Variants in TXNRD1 observed in about 807,000 individuals in gnomAD.
TXNRD1 encodes thioredoxin reductase 1.
Under a neutral mutation model 80.3 loss-of-function variants are expected in TXNRD1, and 57 were observed. That is an observed-to-expected ratio of 0.71 (90% CI 0.57 to 0.89). The LOEUF is 0.89. Among genes scored for constraint, TXNRD1 ranks in the 40% least tolerant of loss-of-function variants. TXNRD1 has a pLI of 0.00. For synonymous variants in TXNRD1, 291 were observed against 285.2 expected, an observed-to-expected ratio of 1.02 and a Z score of -0.20; for missense variants, 730 against 803.0, an observed-to-expected ratio of 0.91 and a Z score of 1.10.
At position 104,281,394 on chromosome 12, in the gene TXNRD1, C is replaced by T. The variant is rs565325365; in HGVS notation, c.305-7537C>T. ...CTAGCAGGTCTGTATATCTCCATAT[C>T]TCCACTTTTTTTTTTTTTTTTTTTC... On this transcript the variant is annotated intron_variant, in intron 3 of 16. Coordinates refer to ENST00000525566, the MANE Select transcript of TXNRD1 (RefSeq NM_001093771.3). Among the ~76,000 whole-genome samples the T allele has an allele frequency of 4.1e-5, 6 of 145,094 alleles. No individual in the cohort carries two copies. In the South Asian group the frequency reaches 1.3e-3, roughly 32 times the overall value.
At chr12:104,331,167 AT>A (rs1328656034) in intron 13 of TXNRD1, among the ~76,000 whole-genome samples, 1 of 152,080 alleles carries the variant, frequency 6.6e-6, no homozygotes, top group African/African-American at 2.4e-5. Flanking sequence ...AAATCTTTTA[AT>A]TTTTTATCAC....
Position 104,311,352 on chromosome 12 carries a change from G to T in TXNRD1, c.477G>T (p.Lys159Asn), listed in dbSNP as rs1288494641. Residue 159 changes from lysine (K) to asparagine (N), a missense_variant, in exon 5 of 17, where the codon AAG (lysine) becomes AAT (asparagine). Coordinates refer to ENST00000525566, the MANE Select transcript of TXNRD1 (RefSeq NM_001093771.3). Reference sequence around the variant, plus strand: ...TGAACGGCCCTGAAGATCTTCCCAAGTCCTATGACTATGACCTTATCATCA... The same window carrying T: ...TGAACGGCCCTGAAGATCTTCCCAATTCCTATGACTATGACCTTATCATCA... ...LKMNGPEDLP[K>N]SYDYDLIIIG... 1 of 1,613,330 alleles carries T rather than the reference G, an allele frequency of 6.2e-7. No individual in the cohort carries two copies. Among genetic ancestry groups the T allele is most frequent in the Admixed American group, 1.7e-5 (1 of 59,906 alleles).
At position 104,280,062 on chromosome 12, in the gene TXNRD1, C is replaced by CAAA. The variant is rs34627940; in HGVS notation, c.305-8850_305-8848dup. Reference sequence around the variant, plus strand: ...TGGGTGACAGAGTGAGACTCTGTCTCAAAAAAAAAAAAAAAAAAAAATTCC... The same window carrying CAAA: ...TGGGTGACAGAGTGAGACTCTGTCTCAAAAAAAAAAAAAAAAAAAAAAAATTCC... On this transcript the variant is annotated intron_variant, in intron 3 of 16. Coordinates refer to ENST00000525566, the MANE Select transcript of TXNRD1 (RefSeq NM_001093771.3). Among the ~76,000 whole-genome samples the CAAA allele has an allele frequency of 3.6e-3, 302 of 84,556 alleles. 9 individuals are homozygous for CAAA. Among genetic ancestry groups the CAAA allele is most frequent in the Admixed American group, 6.9e-3 (51 of 7,356 alleles). 55.5% of individuals were successfully genotyped at this position (84,556 alleles called of 152,430 possible).
In TXNRD1 at chr12:104,315,789, CAT is replaced by C. The variant is rs759645373; in HGVS notation, c.624_625del (p.Val210GlufsTer7). ...AATGTTGTTGTAGGTCTCGGAGGAA[CAT>C]GTGTGAATGTGGGTTGCATACCTAA... On this transcript the variant is annotated frameshift_variant, in exon 7 of 17. Coordinates refer to ENST00000525566, the MANE Select transcript of TXNRD1 (RefSeq NM_001093771.3). LOFTEE classifies it high-confidence loss of function. The C allele has an allele frequency of 6.2e-7, 1 of 1,609,036 alleles. No homozygotes were observed. The highest frequency in any genetic ancestry group is 8.5e-7 in the Non-Finnish European group (1 of 1,177,242).
At chr12:104,327,955 T>G (rs1217379599) in intron 13 of TXNRD1, among the ~76,000 whole-genome samples, 1 of 151,246 alleles carries the variant, frequency 6.6e-6, no homozygotes, top group Non-Finnish European at 1.5e-5. Flanking sequence ...GGTCAGGAGT[T>G]CAAGACCAGC....
At chr12:104,244,135 G>A (rs540849884) in intron 1 of TXNRD1, among the ~76,000 whole-genome samples, 2 of 152,300 alleles carry the variant, frequency 1.3e-5, no homozygotes, top group African/African-American at 4.8e-5. Flanking sequence ...ATAAGTATCA[G>A]TTATATAGCT....
At chr12:104,291,899 T>C (rs1295343064) in intron 4 of TXNRD1, among the ~76,000 whole-genome samples, 1 of 152,218 alleles carries the variant, frequency 6.6e-6, no homozygotes, top group East Asian at 1.9e-4. Flanking sequence ...TGGGGCTAAA[T>C]GGTAGGTTTT....
rs570965475 is a variant in TXNRD1 at position 104,267,632 on chromosome 12, C to G, written c.304+9553C>G. 3.1e-5 allele frequency among the ~76,000 whole-genome samples: 4 copies of G among 129,870 alleles called. No individual in the cohort carries two copies. The South Asian group carries it at 1.1e-3, about 36-fold the overall frequency. The allele number at this position is 129,870 out of a possible 152,430, so 85.2% of individuals were successfully genotyped here. A position where few individuals can be genotyped will look rare whatever the true frequency, so the allele number is the denominator to read the frequency against. Reference sequence around the variant, plus strand: ...TGGTGTTGATATCATGATAGGTGTTCCTAGATGTGATGGTATCTTTCTTTC... The same window carrying G: ...TGGTGTTGATATCATGATAGGTGTTGCTAGATGTGATGGTATCTTTCTTTC... On this transcript the variant is annotated intron_variant, in intron 3 of 16. Coordinates refer to ENST00000525566, the MANE Select transcript of TXNRD1 (RefSeq NM_001093771.3).
intron 2 of TXNRD1, among the ~76,000 whole-genome samples, chr12:104,254,644 A>AAAAAAAAAAAATATATAT: frequency 4.3e-5 from 4 of 93,646 alleles, no homozygotes; most frequent in Non-Finnish European, 5.7e-5. Flanking sequence ...AAAAAAAAAA[A>AAAAAAAAAAAATATATAT]ATATATATAT....
In TXNRD1 at chr12:104,251,635, C is replaced by CT. The variant is rs1565862710; in HGVS notation, c.201dup (p.Val68CysfsTer6). On this transcript the variant is annotated frameshift_variant, in exon 2 of 17. Transcript: ENST00000525566. LOFTEE classifies it high-confidence loss of function. ...CTTCAGGCCTATATAGATGGTCACT[C>CT]TGTGGTCATCTTCAGTAGGTCCACA... 6.2e-7 allele frequency: 1 copy of CT among 1,613,964 alleles called. No individual in the cohort carries two copies. Among genetic ancestry groups the CT allele is most frequent in the East Asian group, 2.2e-5 (1 of 44,888 alleles).
intron 16 of TXNRD1, 136 bp downstream of exon 16, chr12:104,339,409 A>C (rs368045886): frequency 7.7e-7 from 1 of 1,301,772 alleles, no homozygotes; most frequent in Non-Finnish European, 1.1e-6. Flanking sequence ...GTCTCTAAAA[A>C]TTAGTTTTTG....
At chr12:104,278,252 G>A (rs1309549994) in intron 3 of TXNRD1, among the ~76,000 whole-genome samples, 1 of 138,528 alleles carries the variant, frequency 7.2e-6, no homozygotes, top group Non-Finnish European at 1.5e-5. Flanking sequence ...CCAGGCTGGA[G>A]TGCAGTGGCG....
At chr12:104,329,648 C>CA (rs879800615) in intron 13 of TXNRD1, among the ~76,000 whole-genome samples, 1,676 of 143,006 alleles carry the variant, frequency 0.012, 30 homozygotes, top group African/African-American at 0.039. Flanking sequence ...ACCCTGTCTC[C>CA]AAAAAAAAAA....
At chr12:104,294,912 T>C (rs1277372062) in intron 4 of TXNRD1, among the ~76,000 whole-genome samples, 1 of 152,246 alleles carries the variant, frequency 6.6e-6, no homozygotes, top group Middle Eastern at 3.2e-3. Flanking sequence ...CTACCAGAAC[T>C]TGACAGAAAA....
At chr12:104,304,586 GAAA>G in intron 4 of TXNRD1, 2 of 1,613,946 alleles carry the variant, frequency 1.2e-6, no homozygotes, top group Admixed American at 1.7e-5. Flanking sequence ...AGAAGCGACA[GAAA>G]AAAACGTAGA....
At chr12:104,257,199 A>G (rs2135710140) in intron 2 of TXNRD1, among the ~76,000 whole-genome samples, 1 of 151,748 alleles carries the variant, frequency 6.6e-6, no homozygotes, top group South Asian at 2.1e-4. Flanking sequence ...TTTGTTTTTT[A>G]CCAGTATAAT....
chr12:104,328,732 C>G (rs1477974960), intron 13 of TXNRD1, among the ~76,000 whole-genome samples: 1 of 143,302 alleles, frequency 7.0e-6, no homozygotes, highest in Non-Finnish European at 1.5e-5. Context: ...GCACTCCAGC[C>G]TGGGTGACAG....
At chr12:104,333,736 T>TC (rs1447918107) in intron 14 of TXNRD1, among the ~76,000 whole-genome samples, 3 of 152,080 alleles carry the variant, frequency 2.0e-5, no homozygotes, top group Non-Finnish European at 2.9e-5. Flanking sequence ...TCTCCTTCCT[T>TC]CTTTCCTTCC....
intron 3 of TXNRD1, among the ~76,000 whole-genome samples, chr12:104,275,297 T>C (rs1341952718): frequency 1.3e-5 from 2 of 151,972 alleles, no homozygotes; most frequent in African/African-American, 2.4e-5. Flanking sequence ...AAGAAAATTA[T>C]GTTTTTCTTC....
Sources: gnomAD v4.1 joint callset for allele counts (sites outside exome capture counted in the v4.1 genomes callset) on GRCh38, gnomAD v4.1.1 for gene constraint, MANE v1.5 for transcripts, NCBI Gene and HGNC (gene_info 2026-07-23, HGNC 2026-07-21) for gene names.